The following PXDNL variants were observed in gnomAD, a reference collection of about 807,000 sequenced individuals.
PXDNL encodes peroxidasin like, also known as probable oxidoreductase PXDNL.
PXDNL carries 145 observed loss-of-function variants against 150.8 expected under a neutral mutation model. That is an observed-to-expected ratio of 0.96 (90% CI 0.84 to 1.10). The LOEUF (loss-of-function observed/expected upper bound fraction) is 1.10. Among genes scored for constraint, PXDNL ranks in the 50% least tolerant of loss-of-function variants. The pLI is 0.00. For synonymous variants in PXDNL, 757 were observed against 725.7 expected, an observed-to-expected ratio of 1.04 and a Z score of -0.69; for missense variants, 2,087 against 1,873.9, an observed-to-expected ratio of 1.11 and a Z score of -2.10.
At chr8:51,768,105 A>G (rs1232725300) in intron 1 of PXDNL, among the ~76,000 whole-genome samples, 3 of 152,278 alleles carry the variant, frequency 2.0e-5, no homozygotes, top group East Asian at 1.9e-4. Context: ...GAAGGGGATC[A>G]GCTAAGTTAA....
intron 10 of PXDNL, among the ~76,000 whole-genome samples, chr8:51,452,939 C>CAT (rs1282447469): frequency 1.9e-3 from 282 of 150,140 alleles, no homozygotes; most frequent in African/African-American, 6.2e-3. Context: ...CACACAAACA[C>CAT]ACACACACAC....
chr8:51,561,513 TA>T (rs1585581229), intron 3 of PXDNL, among the ~76,000 whole-genome samples: 2 of 151,762 alleles, frequency 1.3e-5, no homozygotes, highest in East Asian at 1.9e-4. Context: ...TTATCTCTAC[TA>T]AAAAAATTTT....
intron 14 of PXDNL, among the ~76,000 whole-genome samples, chr8:51,417,430 C>T (rs545970177): frequency 6.6e-6 from 1 of 152,252 alleles, no homozygotes; most frequent in East Asian, 1.9e-4. Context: ...GCTTAGGCCA[C>T]GTGGCCACTC....
chr8:51,620,432 G>A (rs1036514093), intron 2 of PXDNL, among the ~76,000 whole-genome samples: 4 of 152,180 alleles, frequency 2.6e-5, no homozygotes, highest in East Asian at 1.9e-4. Context: ...ACATTTTCCC[G>A]TAATTTCTTG....
chr8:51,807,749 G>A (rs1242590892), intron 1 of PXDNL, among the ~76,000 whole-genome samples: 6 of 152,186 alleles, frequency 3.9e-5, no homozygotes, highest in African/African-American at 1.4e-4. Context: ...TGTGTCTAAT[G>A]CAAGCTAATC....
At chr8:51,633,841 G>T (rs1231645590) in intron 2 of PXDNL, among the ~76,000 whole-genome samples, 1 of 151,950 alleles carries the variant, frequency 6.6e-6, no homozygotes, top group East Asian at 1.9e-4. Flanking sequence ...TGTGTTTTTG[G>T]CTTCTTTAAT....
chr8:51,784,473 G>T (rs1392655951), intron 1 of PXDNL, among the ~76,000 whole-genome samples: 1 of 152,162 alleles, frequency 6.6e-6, no homozygotes, highest in African/African-American at 2.4e-5. Flanking sequence ...GGAAATCCTT[G>T]TAAGTAGCAG....
intron 8 of PXDNL, among the ~76,000 whole-genome samples, chr8:51,468,502 C>A (rs1421917757): frequency 6.6e-6 from 1 of 151,962 alleles, no homozygotes; most frequent in Non-Finnish European, 1.5e-5. Context: ...GTTTCAGATA[C>A]ACCTCTTATA....
chr8:51,732,402 A>G (rs1816951578), intron 1 of PXDNL, among the ~76,000 whole-genome samples: 1 of 152,164 alleles, frequency 6.6e-6, no homozygotes, highest in Non-Finnish European at 1.5e-5. Context: ...CCATATCACT[A>G]TCAGCATTTT....
intron 6 of PXDNL, among the ~76,000 whole-genome samples, chr8:51,476,303 T>C (rs761690295): frequency 5.9e-5 from 9 of 152,170 alleles, no homozygotes; most frequent in Non-Finnish European, 1.2e-4. Flanking sequence ...GGAGTTGGCT[T>C]TTTTCTTTTG....
chr8:51,382,882 T>G (rs775474062), intron 17 of PXDNL, among the ~76,000 whole-genome samples: 2 of 152,220 alleles, frequency 1.3e-5, no homozygotes, highest in Admixed American at 1.3e-4. Flanking sequence ...CCAGAGAGTA[T>G]AATCCTGGCT....
At position 51,755,298 on chromosome 8, in the gene PXDNL, GTT is replaced by G. The variant is rs67163635; in HGVS notation, c.164+53881_164+53882del. On this transcript the variant is annotated intron_variant, in intron 1 of 22. Coordinates refer to ENST00000356297, the MANE Select transcript of PXDNL (RefSeq NM_144651.5). ...TTATGATGATGGAATAGAATGTTTT[GTT>G]TTTTTTTTTTTGAGACAGAGTCTCG... is the stretch of plus-strand genomic sequence containing the variant. Among the ~76,000 whole-genome samples, 153 of 141,610 alleles carry G rather than the reference GTT, an allele frequency of 1.1e-3. 1 individual carries two copies. The highest frequency in any genetic ancestry group is 3.5e-3 in the Middle Eastern group (1 of 286). 92.9% of individuals were successfully genotyped at this position (141,610 alleles called of 152,430 possible).
At chr8:51,443,004 T>C (rs760668705) in intron 12 of PXDNL, among the ~76,000 whole-genome samples, 20 of 152,188 alleles carry the variant, frequency 1.3e-4, no homozygotes, top group Admixed American at 9.2e-4. Flanking sequence ...AAGGTAGCTC[T>C]TCCACAGGTT....
chr8:51,383,410 G>T (rs1586056410), intron 17 of PXDNL, among the ~76,000 whole-genome samples: 3 of 152,128 alleles, frequency 2.0e-5, no homozygotes, highest in African/African-American at 7.2e-5. Context: ...ATCTGAGATG[G>T]CATCCGAGGG....
chr8:51,410,115 A>C (rs1324602900), intron 16 of PXDNL, among the ~76,000 whole-genome samples: 1 of 152,228 alleles, frequency 6.6e-6, no homozygotes, highest in Non-Finnish European at 1.5e-5. Context: ...AGAAATATCA[A>C]TATGGATCAT....
intron 1 of PXDNL, among the ~76,000 whole-genome samples, chr8:51,674,053 G>GT (rs1815556855): frequency 6.6e-6 from 1 of 152,140 alleles, no homozygotes; most frequent in Non-Finnish European, 1.5e-5. Context: ...GCTTTCGATG[G>GT]TTTTCAACCA....
At chr8:51,611,380 G>A (rs1813996270) in intron 2 of PXDNL, among the ~76,000 whole-genome samples, 1 of 152,168 alleles carries the variant, frequency 6.6e-6, no homozygotes, top group Non-Finnish European at 1.5e-5. Flanking sequence ...TTTTAAGTGG[G>A]ATGGTAGTTA....
chr8:51,698,021 C>T lies in PXDNL; in HGVS notation c.165-43261G>A, dbSNP rs945361477. Among the ~76,000 whole-genome samples the T allele has an allele frequency of 6.6e-5, 10 of 152,310 alleles. No individual in the cohort carries two copies. In the South Asian group the frequency reaches 8.3e-4, roughly 13 times the overall value. On this transcript the variant is annotated intron_variant, in intron 1 of 22. Transcript: ENST00000356297. ...AGTAAAACATACTTTACTGCTAAAACGTGCTAATGACCATCTGAGCCCTCA... is the reference window on the plus strand; with the variant it reads ...AGTAAAACATACTTTACTGCTAAAATGTGCTAATGACCATCTGAGCCCTCA...
chr8:51,803,647 G>T (rs1307996721), intron 1 of PXDNL, among the ~76,000 whole-genome samples: 1 of 152,130 alleles, frequency 6.6e-6, no homozygotes, highest in Non-Finnish European at 1.5e-5. Flanking sequence ...TGCAAGGGGG[G>T]CACATTTCCC....
Sources: allele counts gnomAD v4.1 joint callset (sites outside exome capture counted in the v4.1 genomes callset), GRCh38; gene constraint gnomAD v4.1.1; transcripts MANE v1.5; gene names NCBI Gene and HGNC (gene_info 2026-07-23, HGNC 2026-07-21).